Variants in MBNL1 observed in about 807,000 individuals in gnomAD.
The protein encoded by MBNL1 is muscleblind-like protein 1.
A neutral mutation model predicts 42.2 loss-of-function variants in MBNL1; 8 were observed. That is an observed-to-expected ratio of 0.19 (90% CI 0.11 to 0.34). The LOEUF (loss-of-function observed/expected upper bound fraction) is 0.34. MBNL1 is among the 10% of genes least tolerant of loss of function. MBNL1 has a pLI of 1.00. For synonymous variants in MBNL1, 169 were observed against 173.9 expected (o/e 0.97, Z 0.22); for missense variants, 309 against 495.3 (o/e 0.62, Z 3.57).
chr3:152,398,351 A>C (rs1373831439), intron 2 of MBNL1, among the ~76,000 whole-genome samples: 1 of 151,846 alleles, frequency 6.6e-6, no homozygotes. Flanking sequence ...TTTTTTTTTA[A>C]TTAAAAAAGA....
intron 1 of MBNL1, among the ~76,000 whole-genome samples, chr3:152,291,204 A>G (rs948783584): frequency 6.6e-6 from 1 of 152,180 alleles, no homozygotes; most frequent in Non-Finnish European, 1.5e-5. Flanking sequence ...AGGAAATGTT[A>G]AAATACTTCC....
At chr3:152,299,197 G>A (rs1380913887) in intron 1 of MBNL1, 1 of 152,746 alleles carries the variant, frequency 6.5e-6, no homozygotes, top group African/African-American at 2.4e-5. Flanking sequence ...TGCTTCACAA[G>A]GGGAAACGGC....
intron 2 of MBNL1, among the ~76,000 whole-genome samples, chr3:152,251,339 A>G (rs908516138): frequency 6.6e-6 from 1 of 152,110 alleles, no homozygotes; most frequent in Non-Finnish European, 1.5e-5. Context: ...ACATTTATAC[A>G]TGGTGGCTAA....
At chr3:152,269,370 G>A in intron 1 of MBNL1, 1 of 356,306 alleles carries the variant, frequency 2.8e-6, no homozygotes, top group South Asian at 2.0e-5. Context: ...CAGCCCAGCG[G>A]GACCCAGGGA....
intron 1 of MBNL1, among the ~76,000 whole-genome samples, chr3:152,286,758 A>G (rs1385496592): frequency 6.6e-6 from 1 of 151,922 alleles, no homozygotes; most frequent in African/African-American, 2.4e-5. Context: ...TAGATAGGAA[A>G]GTATGGAAAG....
At chr3:152,354,760 T>C (rs927122125) in intron 2 of MBNL1, among the ~76,000 whole-genome samples, 1 of 152,192 alleles carries the variant, frequency 6.6e-6, no homozygotes, top group African/African-American at 2.4e-5. Context: ...TGTAGAATTA[T>C]GTATTTTCAG....
intron 2 of MBNL1, among the ~76,000 whole-genome samples, chr3:152,331,664 C>T (rs2084637562): frequency 6.6e-6 from 1 of 152,052 alleles, no homozygotes; most frequent in Non-Finnish European, 1.5e-5. Context: ...TGTTACCTTA[C>T]TCATTTACAT....
At chr3:152,453,803 G>T (rs1025838162) in intron 6 of MBNL1, among the ~76,000 whole-genome samples, 3 of 152,054 alleles carry the variant, frequency 2.0e-5, no homozygotes, top group Middle Eastern at 3.2e-3. Context: ...ATAGTATAAG[G>T]TTAACTCATT....
chr3:152,351,984 A>G (rs2095054991), intron 2 of MBNL1, among the ~76,000 whole-genome samples: 1 of 152,194 alleles, frequency 6.6e-6, no homozygotes, highest in Non-Finnish European at 1.5e-5. Context: ...TTCACAAATG[A>G]TCGATAATCT....
chr3:152,243,902 T>C lies in MBNL1; in HGVS notation n.75T>C, dbSNP rs150015568. The C allele has an allele frequency of 8.5e-4, 130 of 152,206 alleles. 2 individuals carry two copies. The highest frequency in any genetic ancestry group is 6.9e-3 in the East Asian group (36 of 5,192). The allele number at this position is 152,206 out of a possible 1,614,324, so 9.4% of individuals were successfully genotyped here. A position where few individuals can be genotyped will look rare whatever the true frequency, so the allele number is the denominator to read the frequency against. Reference sequence around the variant, plus strand: ...CTCACTGCAACCTCCGCCTCCTGAGTTCAAGCGATTCTCCTGCCTCAGTCT... The same window carrying C: ...CTCACTGCAACCTCCGCCTCCTGAGCTCAAGCGATTCTCCTGCCTCAGTCT... On this transcript the variant is annotated non_coding_transcript_exon_variant, in exon 1 of 3. Coordinates refer to the MBNL1 transcript ENST00000477171.
At chr3:152,382,676 G>T (rs2097229669) in intron 2 of MBNL1, among the ~76,000 whole-genome samples, 4 of 152,054 alleles carry the variant, frequency 2.6e-5, no homozygotes, top group Admixed American at 1.3e-4. Flanking sequence ...GTCCTCAGTG[G>T]CAGAATATAA....
intron 5 of MBNL1, among the ~76,000 whole-genome samples, chr3:152,447,182 G>C (rs185662470): frequency 2.0e-5 from 3 of 150,810 alleles, no homozygotes; most frequent in Admixed American, 2.0e-4. Context: ...GGTAGATCTG[G>C]GGGGAGGAGC....
chr3:152,371,965 A>G (rs913848781), intron 2 of MBNL1, among the ~76,000 whole-genome samples: 2 of 152,072 alleles, frequency 1.3e-5, no homozygotes, highest in Non-Finnish European at 2.9e-5. Flanking sequence ...GTCTTCTCAC[A>G]TAGTCCCATA....
At chr3:152,298,422 C>A (rs2059520099) in intron 1 of MBNL1, among the ~76,000 whole-genome samples, 1 of 152,236 alleles carries the variant, frequency 6.6e-6, no homozygotes, top group Non-Finnish European at 1.5e-5. Context: ...CCCCACCCTC[C>A]AGCTTTGTTT....
chr3:152,330,912 T>C (rs2083944385), intron 2 of MBNL1, among the ~76,000 whole-genome samples: 2 of 152,172 alleles, frequency 1.3e-5, no homozygotes, highest in African/African-American at 4.8e-5. Flanking sequence ...GTATTCCCCA[T>C]AGATAAGGAT....
At chr3:152,269,195 C>G (rs1370754437) in intron 1 of MBNL1, 103 bp downstream of exon 1, 1 of 388,382 alleles carries the variant, frequency 2.6e-6, no homozygotes, top group Non-Finnish European at 5.2e-6. Flanking sequence ...GCTCGCCGGC[C>G]GCGGTTCTCC....
intron 2 of MBNL1, chr3:152,340,930 A>G (rs745656372): frequency 3.2e-6 from 5 of 1,572,234 alleles, no homozygotes; most frequent in East Asian, 4.5e-5. Flanking sequence ...CTCTCCAGAC[A>G]GGAGACTGCA....
intron 1 of MBNL1, among the ~76,000 whole-genome samples, chr3:152,278,282 G>C (rs1374000926): frequency 6.6e-6 from 1 of 152,030 alleles, no homozygotes; most frequent in Non-Finnish European, 1.5e-5. Context: ...GTGGCATTCA[G>C]ATAAGGCATT....
intron 3 of MBNL1, among the ~76,000 whole-genome samples, chr3:152,417,565 T>C (rs1254783624): frequency 1.3e-5 from 2 of 151,846 alleles, no homozygotes; most frequent in African/African-American, 2.4e-5. Flanking sequence ...CTCCCAAACC[T>C]TGGAGGAGCA....
Sources: gnomAD v4.1 joint callset for allele counts (sites outside exome capture counted in the v4.1 genomes callset) on GRCh38, gnomAD v4.1.1 for gene constraint, MANE v1.5 for transcripts, NCBI Gene and HGNC (gene_info 2026-07-23, HGNC 2026-07-21) for gene names.